Variants in SORCS1 observed in about 807,000 individuals in gnomAD.
The protein encoded by SORCS1 is VPS10 domain-containing receptor SorCS1.
Under a neutral mutation model 146.1 loss-of-function variants are expected in SORCS1, and 60 were observed. That is an observed-to-expected ratio of 0.41 (90% CI 0.33 to 0.51). The LOEUF (loss-of-function observed/expected upper bound fraction) is 0.51. Ranked by LOEUF, SORCS1 falls within the 20% of genes least tolerant of loss-of-function variation. SORCS1 has a pLI of 0.21. For synonymous variants in SORCS1, 637 were observed against 584.0 expected (o/e 1.09, Z -1.31); for missense variants, 1,352 against 1,487.6 (o/e 0.91, Z 1.50).
At chr10:107,006,143 C>A (rs774109496) in intron 1 of SORCS1, among the ~76,000 whole-genome samples, 2 of 152,180 alleles carry the variant, frequency 1.3e-5, no homozygotes, top group African/African-American at 2.4e-5. Flanking sequence ...GTACTCAATA[C>A]ATACTTATTG....
chr10:106,719,060 G>A (rs1408915125), intron 6 of SORCS1, among the ~76,000 whole-genome samples: 3 of 152,200 alleles, frequency 2.0e-5, no homozygotes, highest in Non-Finnish European at 4.4e-5. Context: ...AGCCCACCCA[G>A]CTTCACCTCT....
chr10:106,834,726 G>A (rs747798345), intron 2 of SORCS1, among the ~76,000 whole-genome samples: 3 of 152,142 alleles, frequency 2.0e-5, no homozygotes, highest in Non-Finnish European at 4.4e-5. Flanking sequence ...ATCTTAAATA[G>A]TCATAATTAA....
In SORCS1 at chr10:106,672,879, G is replaced by T; in HGVS notation, c.2047C>A (p.Leu683Met). 1 of 1,613,784 alleles carries T rather than the reference G, an allele frequency of 6.2e-7. No homozygotes were observed. Among genetic ancestry groups the T allele is most frequent in the Non-Finnish European group, 8.5e-7 (1 of 1,179,740 alleles). Reference sequence around the variant, plus strand: ...TCTTTTCCTCCTACCTGGCTGTGCAGCTGCCAAGGTCTGTAGTCCTCTTCG... The same window carrying T: ...TCTTTTCCTCCTACCTGGCTGTGCATCTGCCAAGGTCTGTAGTCCTCTTCG... ...CAEEDYRPWQ[L>M]HSQGEACIMG... Residue 683 changes from leucine (L) to methionine (M), a missense_variant, in exon 15 of 26, where the codon CTG (leucine) becomes ATG (methionine). By Grantham distance (15) the Leu-to-Met change is conservative (BLOSUM62 2). Around this residue, in one of 3 missense-constraint regions of SORCS1, gnomAD observed 648 missense variants for 793.8 expected, o/e 0.82. Coordinates refer to ENST00000263054, the MANE Select transcript of SORCS1 (RefSeq NM_052918.5).
intron 1 of SORCS1, among the ~76,000 whole-genome samples, chr10:106,971,962 G>T (rs1955806803): frequency 6.6e-6 from 1 of 152,154 alleles, no homozygotes; most frequent in Non-Finnish European, 1.5e-5. Context: ...GAGGGCTAAT[G>T]CAAGAGGTTG....
At chr10:107,077,725 C>T (rs1963004750) in intron 1 of SORCS1, among the ~76,000 whole-genome samples, 1 of 151,880 alleles carries the variant, frequency 6.6e-6, no homozygotes, top group African/African-American at 2.4e-5. Flanking sequence ...CAGTTCTCAA[C>T]ACTGGATCTC....
intron 18 of SORCS1, among the ~76,000 whole-genome samples, chr10:106,640,689 G>A (rs1168465302): frequency 2.0e-5 from 3 of 152,160 alleles, no homozygotes; most frequent in Admixed American, 6.5e-5. Context: ...ATTTCTCTGG[G>A]AAGCTGAGTT....
intron 1 of SORCS1, among the ~76,000 whole-genome samples, chr10:107,143,275 T>G (rs993563376): frequency 7.2e-5 from 11 of 152,226 alleles, no homozygotes; most frequent in African/African-American, 2.7e-4. Flanking sequence ...ACTAAAATGC[T>G]GATTATGTCA....
intron 1 of SORCS1, among the ~76,000 whole-genome samples, chr10:107,128,825 A>G (rs1460913682): frequency 3.3e-5 from 5 of 152,196 alleles, no homozygotes; most frequent in Non-Finnish European, 5.9e-5. Flanking sequence ...CCCTTTAGCT[A>G]TGATCTCAAT....
chr10:107,123,239 C>T (rs1410180313), intron 1 of SORCS1, among the ~76,000 whole-genome samples: 2 of 152,130 alleles, frequency 1.3e-5, no homozygotes, highest in Non-Finnish European at 2.9e-5. Flanking sequence ...ATAATTGGTA[C>T]TTGTATTCAC....
intron 1 of SORCS1, among the ~76,000 whole-genome samples, chr10:107,086,046 A>C (rs934682510): frequency 1.3e-5 from 2 of 152,256 alleles, no homozygotes; most frequent in African/African-American, 4.8e-5. Flanking sequence ...CTGTCAAAAT[A>C]AGGATTTTCA....
At chr10:106,996,213 C>T (rs957801864) in intron 1 of SORCS1, among the ~76,000 whole-genome samples, 10 of 133,066 alleles carry the variant, frequency 7.5e-5, no homozygotes, top group East Asian at 2.2e-4. Flanking sequence ...GGCGACAGAG[C>T]GAGACTCCAT....
At chr10:107,045,972 G>A (rs1057263896) in intron 1 of SORCS1, among the ~76,000 whole-genome samples, 14 of 151,494 alleles carry the variant, frequency 9.2e-5, no homozygotes, top group African/African-American at 2.7e-4. Context: ...TTTTGAAACG[G>A]AGTCTTGCTC....
rs775705929 is a variant in SORCS1, at chr10:106,709,377, GA to G, written c.1025-37del. The G allele has an allele frequency of 5.4e-5, 72 of 1,344,878 alleles. No homozygotes were observed. In the African/African-American group the frequency reaches 1.0e-3, roughly 19 times the overall value. 83.3% of individuals were successfully genotyped at this position (1,344,878 alleles called of 1,614,324 possible). On this transcript the variant is annotated intron_variant, in intron 6 of 25. Coordinates refer to ENST00000263054, the MANE Select transcript of SORCS1 (RefSeq NM_052918.5). ...AAAACAAAAACAAAAACATGGGGTT[GA>G]GGGGGATATACAGACAGAGATTTAC...
intron 17 of SORCS1, among the ~76,000 whole-genome samples, chr10:106,659,534 G>C (rs540724334): frequency 3.3e-5 from 5 of 152,210 alleles, no homozygotes; most frequent in African/African-American, 9.6e-5. Flanking sequence ...TTCTAATATT[G>C]AATCCTTTCA....
rs1400443269 is a variant in SORCS1 at position 107,060,672 on chromosome 10, C to T, written c.558+103297G>A. Among the ~76,000 whole-genome samples the T allele has an allele frequency of 2.6e-5, 4 of 152,108 alleles. No homozygotes were observed. Among genetic ancestry groups the T allele is most frequent in the South Asian group, 2.1e-4 (1 of 4,830 alleles). Reference sequence around the variant, plus strand: ...TGTGATATTTGTGACCATGAGTCCCCGGCTCACGGTTTTCTCCTCTCTTGA... The same window carrying T: ...TGTGATATTTGTGACCATGAGTCCCTGGCTCACGGTTTTCTCCTCTCTTGA... On this transcript the variant is annotated intron_variant, in intron 1 of 25. Transcript: ENST00000263054. This position sits in a 1 kb window ranked among gnomAD's most constrained non-coding sequence, Gnocchi z 4.1.
At chr10:106,798,953 G>A (rs1946730090) in intron 3 of SORCS1, among the ~76,000 whole-genome samples, 1 of 152,126 alleles carries the variant, frequency 6.6e-6, no homozygotes, top group African/African-American at 2.4e-5. Flanking sequence ...CAAAGCTGGA[G>A]GCATCACACT....
At chr10:106,815,611 C>A (rs1010679875) in intron 3 of SORCS1, among the ~76,000 whole-genome samples, 1 of 152,124 alleles carries the variant, frequency 6.6e-6, no homozygotes, top group Non-Finnish European at 1.5e-5. Flanking sequence ...AGCCAGATGG[C>A]CTCCTACTCA....
Position 106,680,397 on chromosome 10 carries a change from T to C in SORCS1, c.1561-663A>G, listed in dbSNP as rs138759241. On this transcript the variant is annotated intron_variant, in intron 10 of 25. Transcript: ENST00000263054. ...GTTGGCATCTCTTAGTCATTCTCCATTTGAGACCTTGGTCTCAGTTGTATA... is the reference window on the plus strand; with the variant it reads ...GTTGGCATCTCTTAGTCATTCTCCACTTGAGACCTTGGTCTCAGTTGTATA... Among the ~76,000 whole-genome samples the C allele has an allele frequency of 6.0e-4, 91 of 152,332 alleles. 1 individual carries two copies. The East Asian group carries it at 0.015, about 25-fold the overall frequency.
intron 1 of SORCS1, among the ~76,000 whole-genome samples, chr10:107,103,160 T>C (rs576545498): frequency 6.6e-6 from 1 of 152,310 alleles, no homozygotes; most frequent in South Asian, 2.1e-4. Flanking sequence ...GTTTCAGAAT[T>C]TGGACTTTGG....
Sources: allele counts gnomAD v4.1 joint callset (sites outside exome capture counted in the v4.1 genomes callset), GRCh38; gene constraint gnomAD v4.1.1; regional missense constraint gnomAD v4.1.1; non-coding constraint Gnocchi (gnomAD v3.1); transcripts MANE v1.5; gene names NCBI Gene and HGNC (gene_info 2026-07-23, HGNC 2026-07-21).